CABIN1: variants seen among roughly 807,000 people sequenced by gnomAD.
CABIN1 encodes calcineurin-binding protein cabin-1.
Under a neutral mutation model 227.7 loss-of-function variants are expected in CABIN1, and 133 were observed. That is an observed-to-expected ratio of 0.58 (90% CI 0.51 to 0.67). The LOEUF (loss-of-function observed/expected upper bound fraction) is 0.67, where lower values mean the gene tolerates loss of function less well. Among genes scored for constraint, CABIN1 ranks in the 30% least tolerant of loss-of-function variants. The pLI is 0.00. For synonymous variants in CABIN1, 1,086 were observed against 1,155.1 expected (o/e 0.94, Z 1.21); for missense variants, 2,408 against 2,852.5 (o/e 0.84, Z 3.55).
intron 23 of CABIN1, among the ~76,000 whole-genome samples, chr22:24,089,194 A>C (rs2041374280): frequency 1.3e-5 from 2 of 152,224 alleles, no homozygotes; most frequent in Admixed American, 6.5e-5. Flanking sequence ...CCAGGAAATA[A>C]ATAGGGTGAG....
At chr22:24,174,514 C>T (rs1374700844) in intron 34 of CABIN1, among the ~76,000 whole-genome samples, 3 of 152,170 alleles carry the variant, frequency 2.0e-5, no homozygotes, top group South Asian at 2.1e-4. Context: ...CTTACTCCCA[C>T]GAAGACCCAG....
rs1382930649 is a variant in CABIN1, at chr22:24,096,054, GAGA to G, written c.3915_3917del (p.Lys1305del). 2.5e-6 allele frequency: 4 copies of G among 1,614,016 alleles called. No individual in the cohort carries two copies. The highest frequency in any genetic ancestry group is 1.3e-5 in the African/African-American group (1 of 74,886). ...AGAAGGACCCTTTGCCAGGGGCGAG[GAGA>G]AGAACACACCCAAAGCTTCAGAAAA... On this transcript the variant is annotated inframe_deletion, in exon 25 of 37. Transcript: ENST00000263119.
At chr22:24,105,025 T>C (rs1218445913) in intron 26 of CABIN1, among the ~76,000 whole-genome samples, 2 of 152,222 alleles carry the variant, frequency 1.3e-5, no homozygotes, top group Non-Finnish European at 2.9e-5. Context: ...ACTGGAAAGT[T>C]GCATCTTGTA....
chr22:24,063,069 C>T lies in CABIN1; in HGVS notation c.1807C>T (p.Arg603Cys), dbSNP rs759207726. ...LLQLSFASSQ[R>C]DLFEDGWLEF... Reference sequence around the variant, plus strand: ...ACAGCTGTCATTTGCCTCGTCCCAGCGCGACCTGTTCGAGGATGGTTGGCT... The same window carrying T: ...ACAGCTGTCATTTGCCTCGTCCCAGTGCGACCTGTTCGAGGATGGTTGGCT... Residue 603 changes from arginine to cysteine, a missense_variant, in exon 14 of 37, where the codon CGC (arginine) becomes TGC (cysteine). Coordinates refer to ENST00000263119, the MANE Select transcript of CABIN1 (RefSeq NM_012295.4). 19 of 1,614,048 alleles carry T rather than the reference C, an allele frequency of 1.2e-5. No individual in the cohort carries two copies. Among genetic ancestry groups the T allele is most frequent in the East Asian group, 6.7e-5 (3 of 44,900 alleles).
intron 16 of CABIN1, among the ~76,000 whole-genome samples, chr22:24,069,162 T>C (rs2039908240): frequency 6.6e-6 from 1 of 152,264 alleles, no homozygotes; most frequent in Non-Finnish European, 1.5e-5. Flanking sequence ...TGTTCTTCAG[T>C]CTAATTGGAT....
At position 24,167,071 on chromosome 22, in the gene CABIN1, A is replaced by G. The variant is rs928445712; in HGVS notation, c.5440A>G (p.Thr1814Ala). ...TGCCCGGCAGCAGCCCACCCCGCTC[A>G]CCCCAGCCCAGCCAGCCCCCGCCCC... ...ISARQQPTPL[T>A]PAQPAPAPAP... The change falls in exon 32 of 37, where the codon ACC (threonine) becomes GCC (alanine). Residue 1814 changes from threonine to alanine, a missense_variant. By Grantham distance (58) the Thr-to-Ala change is moderately conservative. Coordinates refer to ENST00000263119, the MANE Select transcript of CABIN1 (RefSeq NM_012295.4). The G allele has an allele frequency of 8.4e-6, 13 of 1,543,766 alleles. No homozygotes were observed. In the Admixed American group the frequency reaches 1.8e-4, roughly 21 times the overall value.
At chr22:24,151,227 GTCTA>G (rs928026685) in intron 29 of CABIN1, among the ~76,000 whole-genome samples, 2 of 152,126 alleles carry the variant, frequency 1.3e-5, no homozygotes, top group Admixed American at 6.5e-5. Flanking sequence ...CACAAAGGGG[GTCTA>G]TCTGACAAAG....
chr22:24,052,695 G>C (rs1483172639), intron 8 of CABIN1, among the ~76,000 whole-genome samples: 1 of 151,764 alleles, frequency 6.6e-6, no homozygotes, highest in Non-Finnish European at 1.5e-5. Context: ...GGAGGCTGAG[G>C]GGGAGGATTG....
Position 24,164,519 on chromosome 22 carries a change from G to A in CABIN1, c.4866G>A (p.Leu1622=), listed in dbSNP as rs917975461. The change falls in exon 30 of 37, where the codon CTG becomes CTA. Residue 1622 remains leucine, a synonymous_variant. Transcript: ENST00000263119. Reference sequence around the variant, plus strand: ...CCCAGCTGCGGGACCACAGCACCCTGCTGAAGGTGTCCTCCATGCTTCAGC... The same window carrying A: ...CCCAGCTGCGGGACCACAGCACCCTACTGAAGGTGTCCTCCATGCTTCAGC... ...VLAQLRDHST[L]LKVSSMLQRT... The A allele has an allele frequency of 1.9e-6, 3 of 1,605,858 alleles. No homozygotes were observed. The highest frequency in any genetic ancestry group is 2.7e-5 in the African/African-American group (2 of 74,918).
chr22:24,078,837 T>C (rs2040611796), intron 19 of CABIN1, among the ~76,000 whole-genome samples: 1 of 151,076 alleles, frequency 6.6e-6, no homozygotes, highest in African/African-American at 2.4e-5. Context: ...CCTACCTCCC[T>C]CACTCTCTTG....
At chr22:24,096,554 A>C (rs1296556414) in intron 25 of CABIN1, among the ~76,000 whole-genome samples, 8 of 152,104 alleles carry the variant, frequency 5.3e-5, no homozygotes, top group Admixed American at 5.2e-4. Context: ...ACTGGGGCTC[A>C]GGTGTGGTCC....
chr22:24,015,739 T>C (rs1261337296), intron 1 of CABIN1, among the ~76,000 whole-genome samples: 1 of 152,088 alleles, frequency 6.6e-6, no homozygotes, highest in Non-Finnish European at 1.5e-5. Flanking sequence ...GCAGATCATT[T>C]GAGGTCTGGA....
chr22:24,079,927 G>C (rs892238850), intron 19 of CABIN1, among the ~76,000 whole-genome samples: 2 of 151,956 alleles, frequency 1.3e-5, no homozygotes, highest in African/African-American at 4.8e-5. Flanking sequence ...TATGGTATTT[G>C]TTTTACAGAA....
At chr22:24,084,486 A>T in intron 20 of CABIN1, 93 bp from the exon 21 acceptor site, 1 of 1,018,092 alleles carries the variant, frequency 9.8e-7, no homozygotes, top group Non-Finnish European at 1.6e-6. Context: ...CCTCATTTAC[A>T]TTGGACAAAG....
At chr22:24,047,234 T>G (rs1050066327) in intron 6 of CABIN1, among the ~76,000 whole-genome samples, 4 of 152,280 alleles carry the variant, frequency 2.6e-5, no homozygotes, top group Admixed American at 2.6e-4. Context: ...AAACAAAAAA[T>G]TAAAGCAGCA....
At chr22:24,094,630 A>C in intron 24 of CABIN1, among the ~76,000 whole-genome samples, 1 of 151,454 alleles carries the variant, frequency 6.6e-6, no homozygotes, top group Non-Finnish European at 1.5e-5. Context: ...ATCCTGGCTA[A>C]CAAGGTGAAA....
intron 27 of CABIN1, among the ~76,000 whole-genome samples, chr22:24,118,971 A>G (rs951457411): frequency 6.6e-6 from 1 of 152,212 alleles, no homozygotes; most frequent in Non-Finnish European, 1.5e-5. Context: ...ATACTTCGTG[A>G]ACCCTGGCTG....
intron 21 of CABIN1, 25 bp downstream of exon 21, chr22:24,084,810 GGGGGACAGGGCTGGGT>G (rs748832161): frequency 7.5e-5 from 120 of 1,609,598 alleles, no homozygotes; most frequent in Non-Finnish European, 9.9e-5. Context: ...TTGAGGACGT[GGGGGACAGGGCTGGGT>G]CACACTCTTC....
chr22:24,066,969 T>G lies in CABIN1; in HGVS notation c.2038-18T>G, dbSNP rs1215556194. On this transcript the variant is annotated intron_variant, in intron 15 of 36. Coordinates refer to ENST00000263119, the MANE Select transcript of CABIN1 (RefSeq NM_012295.4). ...CTGAGGGGTTTACCCTCATACAGCA[T>G]TGCCGGGCCTTTTTCAGATTGATAA... is the stretch of plus-strand genomic sequence containing the variant. The G allele has an allele frequency of 6.2e-7, 1 of 1,614,070 alleles. No individual in the cohort carries two copies. The highest frequency in any genetic ancestry group is 1.7e-5 in the Admixed American group (1 of 60,034).
Sources: allele counts gnomAD v4.1 joint callset (sites outside exome capture counted in the v4.1 genomes callset), GRCh38; gene constraint gnomAD v4.1.1; transcripts MANE v1.5; gene names NCBI Gene and HGNC (gene_info 2026-07-23, HGNC 2026-07-21).